The following BNIP3L variants were observed in gnomAD, a reference collection of about 807,000 sequenced individuals.
BNIP3L encodes BCL2 interacting protein 3 like.
BNIP3L carries 10 observed loss-of-function variants against 25.5 expected under a neutral mutation model. That is an observed-to-expected ratio of 0.39 (90% CI 0.24 to 0.67). BNIP3L has a LOEUF of 0.67. Among genes scored for constraint, BNIP3L ranks in the 30% least tolerant of loss-of-function variants. The pLI, the probability that BNIP3L is intolerant of heterozygous loss-of-function variation, is 0.45. For missense variants in BNIP3L, 215 were observed against 270.9 expected (o/e 0.79, Z 1.45); for synonymous variants, 113 against 101.2 (o/e 1.12, Z -0.70).
At chr8:26,390,336 T>C in intron 1 of BNIP3L, 1 of 983,062 alleles carries the variant, frequency 1.0e-6, no homozygotes, top group Non-Finnish European at 1.2e-6. Flanking sequence ...GTATGCAGAA[T>C]TACCAGTGGC....
chr8:26,395,185 A>G (rs1488718746), intron 2 of BNIP3L, 45 bp from the exon 3 acceptor site: 2 of 1,593,390 alleles, frequency 1.3e-6, no homozygotes, highest in Non-Finnish European at 1.7e-6. Context: ...AAGTCATTTG[A>G]CAAAGTGAGA....
At chr8:26,393,945 C>T (rs566814811) in intron 2 of BNIP3L, among the ~76,000 whole-genome samples, 3 of 152,288 alleles carry the variant, frequency 2.0e-5, no homozygotes, top group East Asian at 3.9e-4. Context: ...AAATTTCTGA[C>T]GATCTTATTT....
chr8:26,383,344 A>G, intron 1 of BNIP3L, 114 bp downstream of exon 1: 13 of 1,493,038 alleles, frequency 8.7e-6, no homozygotes, highest in Non-Finnish European at 1.1e-5. Context: ...TGGCTCAGGC[A>G]TGGGATGTCC....
rs1269455952 is a variant in BNIP3L, at chr8:26,409,087, G to GT, written c.611+719dup. Among the ~76,000 whole-genome samples the GT allele has an allele frequency of 8.6e-5, 13 of 151,406 alleles. No individual in the cohort carries two copies. In the East Asian group the frequency reaches 1.4e-3, roughly 16 times the overall value. The stretch of plus-strand genomic sequence containing the variant: ...GGAAAATACATGATTACATTGAATA[G>GT]TTTTTTTTAATGAAACTGGTAGGTT... On this transcript the variant is annotated intron_variant, in intron 5 of 5. Coordinates refer to ENST00000380629, the MANE Select transcript of BNIP3L (RefSeq NM_004331.3).
chr8:26,394,695 A>G (rs1402230728), intron 2 of BNIP3L, among the ~76,000 whole-genome samples: 1 of 152,238 alleles, frequency 6.6e-6, no homozygotes, highest in East Asian at 1.9e-4. Flanking sequence ...CACATCATGT[A>G]GCCTTTGGAA....
At chr8:26,392,849 A>G (rs577571997) in intron 2 of BNIP3L, among the ~76,000 whole-genome samples, 1 of 152,244 alleles carries the variant, frequency 6.6e-6, no homozygotes, top group South Asian at 2.1e-4. Context: ...CATGGTGTCC[A>G]TGAGCCTGTT....
intron 1 of BNIP3L, among the ~76,000 whole-genome samples, chr8:26,390,961 A>T (rs1325513060): frequency 6.6e-6 from 1 of 152,168 alleles, no homozygotes. Context: ...GTAGAGTGTT[A>T]TTATAAACCA....
intron 3 of BNIP3L, among the ~76,000 whole-genome samples, chr8:26,407,326 C>T (rs945668780): frequency 6.6e-6 from 1 of 151,602 alleles, no homozygotes; most frequent in East Asian, 2.0e-4. Flanking sequence ...GCTGGGACTA[C>T]AGGTGCCCGC....
At chr8:26,383,261 G>T in intron 1 of BNIP3L, 31 bp downstream of exon 1, 6 of 1,589,120 alleles carry the variant, frequency 3.8e-6, no homozygotes, top group South Asian at 1.1e-5. Flanking sequence ...CTGTGAAGGG[G>T]ATGGGGGAGG....
At chr8:26,407,166 C>T (rs149797642) in intron 3 of BNIP3L, among the ~76,000 whole-genome samples, 2,902 of 151,094 alleles carry the variant, frequency 0.019, 89 homozygotes, top group African/African-American at 0.067. Context: ...CCACCATGCC[C>T]GGCTAATTTT....
At chr8:26,408,526 G>A in intron 5 of BNIP3L, 150 bp downstream of exon 5, 1 of 924,716 alleles carries the variant, frequency 1.1e-6, no homozygotes, top group Non-Finnish European at 1.6e-6. Flanking sequence ...GTGCACAATT[G>A]TTCTACAAAT....
At chr8:26,387,480 C>G (rs1806016758) in intron 1 of BNIP3L, among the ~76,000 whole-genome samples, 1 of 152,198 alleles carries the variant, frequency 6.6e-6, no homozygotes. Context: ...CAGCACAAAC[C>G]TCTTATCTAG....
intron 1 of BNIP3L, 57 bp downstream of exon 1, chr8:26,383,287 C>G (rs1805898097): frequency 6.4e-7 from 1 of 1,558,560 alleles, no homozygotes; most frequent in African/African-American, 1.4e-5. Context: ...CAGCCCCGGC[C>G]GCCGCCACCG....
chr8:26,408,014 TGTA>T lies in BNIP3L; in HGVS notation c.374_376del (p.Val125del). On this transcript the variant is annotated inframe_deletion, in exon 4 of 6. Transcript: ENST00000380629. ...CTTCTTTACAGTCAGAAGAAGAAGT[TGTA>T]GAAGGAGAGAAGGAAGTCGAGGCTT... The T allele has an allele frequency of 6.2e-7, 1 of 1,614,182 alleles. No homozygotes were observed. Among genetic ancestry groups the T allele is most frequent in the Non-Finnish European group, 8.5e-7 (1 of 1,180,014 alleles).
At chr8:26,398,836 C>T (rs1460732968) in intron 3 of BNIP3L, among the ~76,000 whole-genome samples, 4 of 152,050 alleles carry the variant, frequency 2.6e-5, no homozygotes, top group East Asian at 1.9e-4. Flanking sequence ...ATACATTCCT[C>T]GACACATACA....
rs897332188 is a variant in BNIP3L at position 26,392,172 on chromosome 8, T to C, written c.284+746T>C. On this transcript the variant is annotated intron_variant, in intron 2 of 5. Coordinates refer to ENST00000380629, the MANE Select transcript of BNIP3L (RefSeq NM_004331.3). ...TTATTTTTTAGTATAAACTTTTCTGTTTTTTTTTTTTTTTTTCAGAAGGGC... is the reference window on the plus strand; with the variant it reads ...TTATTTTTTAGTATAAACTTTTCTGCTTTTTTTTTTTTTTTTCAGAAGGGC... Among the ~76,000 whole-genome samples the C allele has an allele frequency of 3.1e-5, 4 of 129,406 alleles. No homozygotes were observed. In the East Asian group the frequency reaches 8.3e-4, roughly 27 times the overall value. The allele number at this position is 129,406 out of a possible 152,430, so 84.9% of individuals were successfully genotyped here.
intron 3 of BNIP3L, 34 bp from the exon 4 acceptor site, chr8:26,407,966 C>CT (rs1186491614): frequency 1.9e-6 from 3 of 1,595,274 alleles, no homozygotes; most frequent in Non-Finnish European, 2.6e-6. Flanking sequence ...ATTGGTCTTC[C>CT]TTTTTTTCTT....
Position 26,403,693 on chromosome 8 carries a change from C to T in BNIP3L, c.358-4307C>T, listed in dbSNP as rs112469607. ...CTGGGACTACAGGCTCACACTGCCA[C>T]GCCTGGCTACTTTTTTATTTTTTTT... On this transcript the variant is annotated intron_variant, in intron 3 of 5. Coordinates refer to ENST00000380629, the MANE Select transcript of BNIP3L (RefSeq NM_004331.3). Among the ~76,000 whole-genome samples the T allele has an allele frequency of 2.1e-4, 32 of 152,046 alleles. 1 individual carries two copies. The highest frequency in any genetic ancestry group is 2.6e-4 in the Admixed American group (4 of 15,274).
intron 1 of BNIP3L, among the ~76,000 whole-genome samples, chr8:26,386,254 G>C (rs1312006783): frequency 6.6e-6 from 1 of 152,108 alleles, no homozygotes; most frequent in Non-Finnish European, 1.5e-5. Flanking sequence ...CTCCTTCCAA[G>C]TCAAAAGGAT....
Sources: allele counts gnomAD v4.1 joint callset (sites outside exome capture counted in the v4.1 genomes callset), GRCh38; gene constraint gnomAD v4.1.1; transcripts MANE v1.5; gene names NCBI Gene and HGNC (gene_info 2026-07-23, HGNC 2026-07-21).